The following C1D variants were observed in gnomAD, a reference collection of about 807,000 sequenced individuals.
The protein encoded by C1D is nuclear nucleic acid-binding protein C1D.
C1D carries 10 observed loss-of-function variants against 17.5 expected under a neutral mutation model. The observed-to-expected ratio is 0.57, with a 90% confidence interval of 0.35 to 0.97. The LOEUF is 0.97. Ranked by LOEUF, C1D falls within the 50% of genes least tolerant of loss-of-function variation. The pLI is 0.01. For missense variants in C1D, 136 were observed against 160.1 expected, an observed-to-expected ratio of 0.85 and a Z score of 0.81; for synonymous variants, 49 against 54.0, an observed-to-expected ratio of 0.91 and a Z score of 0.40.
intron 1 of C1D, among the ~76,000 whole-genome samples, chr2:68,054,806 A>T (rs1044829929): frequency 5.2e-4 from 79 of 151,960 alleles, no homozygotes; most frequent in African/African-American, 1.6e-3. Context: ...AAAAAAAAAA[A>T]ATATTTTTAA....
chr2:68,056,249 C>G (rs542269456), intron 1 of C1D, among the ~76,000 whole-genome samples: 9 of 152,058 alleles, frequency 5.9e-5, no homozygotes, highest in Admixed American at 1.3e-4. Flanking sequence ...TTTACAGGTG[C>G]GTGCCACCAT....
chr2:68,048,685 G>T (rs1400039494), intron 1 of C1D, among the ~76,000 whole-genome samples: 1 of 152,022 alleles, frequency 6.6e-6, no homozygotes, highest in Non-Finnish European at 1.5e-5. Context: ...CAACTACTGT[G>T]CAACCAGCAG....
intron 1 of C1D, among the ~76,000 whole-genome samples, chr2:68,051,601 A>C (rs1671284058): frequency 6.6e-6 from 1 of 151,962 alleles, no homozygotes; most frequent in Non-Finnish European, 1.5e-5. Context: ...CTGTGACTTC[A>C]TCTCCCACTC....
chr2:68,056,293 C>T (rs772775070), intron 1 of C1D, among the ~76,000 whole-genome samples: 5 of 151,910 alleles, frequency 3.3e-5, no homozygotes, highest in Admixed American at 6.6e-5. Context: ...TTAGGAGAGA[C>T]GGGGTTTCAC....
chr2:68,062,805 G>C (rs370387636), intron 1 of C1D, 153 bp downstream of exon 1: 1 of 152,274 alleles, frequency 6.6e-6, no homozygotes. Context: ...CTGCCCCAAC[G>C]AAGAGCTGTG....
chr2:68,049,857 C>T (rs1476933679), intron 1 of C1D, among the ~76,000 whole-genome samples: 4 of 152,020 alleles, frequency 2.6e-5, no homozygotes, highest in African/African-American at 4.8e-5. Flanking sequence ...TTTGAAAAGT[C>T]GTACATGGTA....
chr2:68,047,917 T>C (rs950838859), intron 1 of C1D, among the ~76,000 whole-genome samples: 13 of 152,230 alleles, frequency 8.5e-5, no homozygotes, highest in African/African-American at 2.7e-4. Context: ...GAAAAACATG[T>C]ATTTTAGTCC....
Position 68,041,676 on chromosome 2 carries a change from A to G in C1D, c.*1213T>C, listed in dbSNP as rs886237614. 6 of 152,046 alleles carry G rather than the reference A, an allele frequency of 3.9e-5. No individual in the cohort carries two copies. The highest frequency in any genetic ancestry group is 1.2e-4 in the African/African-American group (5 of 41,436). The allele number at this position is 152,046 out of a possible 1,614,324, so 9.4% of individuals were successfully genotyped here. On this transcript the variant is annotated 3_prime_UTR_variant, in exon 5 of 5. Coordinates refer to ENST00000410067, the MANE Select transcript of C1D (RefSeq NM_173177.3). ...CCATTACATTTTAAGACCATTTCCA[A>G]TATCTGCTATCATAAATCAAGAAAT...
intron 1 of C1D, among the ~76,000 whole-genome samples, chr2:68,058,857 G>A (rs960891977): frequency 3.3e-5 from 5 of 152,112 alleles, no homozygotes; most frequent in African/African-American, 1.2e-4. Flanking sequence ...ACCGAACATG[G>A]GGCATTAGCA....
At chr2:68,050,934 G>A (rs1241758777) in intron 1 of C1D, among the ~76,000 whole-genome samples, 2 of 152,076 alleles carry the variant, frequency 1.3e-5, no homozygotes, top group Non-Finnish European at 2.9e-5. Flanking sequence ...CAATTGTTCA[G>A]TCCCAAAATT....
intron 1 of C1D, among the ~76,000 whole-genome samples, chr2:68,055,620 A>G (rs1671416159): frequency 6.6e-6 from 1 of 152,234 alleles, no homozygotes; most frequent in African/African-American, 2.4e-5. Context: ...AGAAATCTGA[A>G]CATGGACAAA....
intron 1 of C1D, among the ~76,000 whole-genome samples, chr2:68,052,866 C>G (rs1671329336): frequency 6.6e-6 from 1 of 152,108 alleles, no homozygotes; most frequent in Admixed American, 6.5e-5. Context: ...ACTCTGACCC[C>G]AGGATCAAGC....
At chr2:68,058,168 T>C (rs1199061677) in intron 1 of C1D, among the ~76,000 whole-genome samples, 2 of 152,180 alleles carry the variant, frequency 1.3e-5, no homozygotes, top group African/African-American at 2.4e-5. Context: ...TACTGAGCAT[T>C]TACCACATGC....
intron 1 of C1D, chr2:68,053,298 G>T: frequency 4.6e-6 from 6 of 1,317,190 alleles, no homozygotes; most frequent in Non-Finnish European, 6.1e-6. Context: ...TGGTTATACA[G>T]AAGCCAAAGT....
chr2:68,049,051 G>A (rs1371621498), intron 1 of C1D, among the ~76,000 whole-genome samples: 1 of 152,084 alleles, frequency 6.6e-6, no homozygotes, highest in Non-Finnish European at 1.5e-5. Context: ...ACAAAAATTA[G>A]CCAGGCGTGG....
chr2:68,045,209 C>T lies in C1D; in HGVS notation c.261+779G>A, dbSNP rs118109409. On this transcript the variant is annotated intron_variant, in intron 4 of 4. Coordinates refer to ENST00000410067, the MANE Select transcript of C1D (RefSeq NM_173177.3). ...CTGTAAATAACATACATATCAACTA[C>T]CCTAAAACTTGAGAACAAGAATACA... Among the ~76,000 whole-genome samples the T allele has an allele frequency of 6.9e-4, 105 of 152,164 alleles. 2 individuals carry two copies. The East Asian group carries it at 0.02, about 29-fold the overall frequency.
At chr2:68,053,758 G>A (rs1361441057) in intron 1 of C1D, among the ~76,000 whole-genome samples, 1 of 152,064 alleles carries the variant, frequency 6.6e-6, no homozygotes, top group Non-Finnish European at 1.5e-5. Flanking sequence ...CTAGAGCTGT[G>A]GCCATGATGG....
intron 4 of C1D, among the ~76,000 whole-genome samples, chr2:68,045,307 T>C (rs1457463445): frequency 6.6e-6 from 1 of 152,210 alleles, no homozygotes; most frequent in Non-Finnish European, 1.5e-5. Flanking sequence ...TTAATATTCT[T>C]ATTCATAAAA....
chr2:68,059,007 T>A (rs751530793), intron 1 of C1D, among the ~76,000 whole-genome samples: 1 of 152,202 alleles, frequency 6.6e-6, no homozygotes, highest in Non-Finnish European at 1.5e-5. Flanking sequence ...CCGTTTTGCA[T>A]TGCTATGCAG....
Sources: gnomAD v4.1 joint callset for allele counts (sites outside exome capture counted in the v4.1 genomes callset) on GRCh38, gnomAD v4.1.1 for gene constraint, MANE v1.5 for transcripts, NCBI Gene and HGNC (gene_info 2026-07-23, HGNC 2026-07-21) for gene names.